The following GALNTL6 variants were observed in gnomAD, a reference collection of about 807,000 sequenced individuals.
GALNTL6 encodes polypeptide N-acetylgalactosaminyltransferase-like 6.
A neutral mutation model predicts 73.7 loss-of-function variants in GALNTL6; 46 were observed. The ratio of observed to expected loss-of-function variants is 0.62; its 90% CI spans 0.49 to 0.80. The LOEUF (loss-of-function observed/expected upper bound fraction) is 0.80, where lower values mean the gene tolerates loss of function less well. GALNTL6 is among the 30% of genes least tolerant of loss of function. The pLI, the probability that GALNTL6 is intolerant of heterozygous loss-of-function variation, is 0.00. For synonymous variants in GALNTL6, 259 were observed against 263.7 expected (o/e 0.98, Z 0.17); for missense variants, 604 against 755.0 (o/e 0.80, Z 2.34).
chr4:173,010,298 A>G (rs367803712), intron 11 of GALNTL6, among the ~76,000 whole-genome samples: 1 of 152,222 alleles, frequency 6.6e-6, no homozygotes. Context: ...TTCACTTAAC[A>G]TAATGACCTC....
intron 5 of GALNTL6, among the ~76,000 whole-genome samples, chr4:172,543,396 G>A (rs548842203): frequency 5.1e-4 from 78 of 152,290 alleles, no homozygotes; most frequent in African/African-American, 1.8e-3. Context: ...ATAGAAGGTG[G>A]TTTTGGTGCC....
intron 8 of GALNTL6, among the ~76,000 whole-genome samples, chr4:172,901,423 G>A (rs1385701361): frequency 3.3e-5 from 5 of 152,086 alleles, no homozygotes; most frequent in African/African-American, 7.2e-5. Context: ...CATCAATTGT[G>A]ATTAATTTTT....
Position 171,902,030 on chromosome 4 carries a change from T to G in GALNTL6, c.138+87312T>G, listed in dbSNP as rs943091420. 2.4e-4 allele frequency among the ~76,000 whole-genome samples: 37 copies of G among 152,266 alleles called. 1 individual carries two copies. The highest frequency in any genetic ancestry group is 7.2e-4 in the African/African-American group (30 of 41,576). ...TAAGATTGTATTGCTATATAACATTTAGAGAGATAAGTGGGAATGTTGCTA... is the reference window on the plus strand; with the variant it reads ...TAAGATTGTATTGCTATATAACATTGAGAGAGATAAGTGGGAATGTTGCTA... On this transcript the variant is annotated intron_variant, in intron 2 of 12. Coordinates refer to ENST00000506823, the MANE Select transcript of GALNTL6 (RefSeq NM_001034845.3).
At chr4:172,680,150 A>G (rs942190630) in intron 5 of GALNTL6, among the ~76,000 whole-genome samples, 3 of 152,212 alleles carry the variant, frequency 2.0e-5, no homozygotes, top group African/African-American at 7.2e-5. Context: ...TTTTTGAGCC[A>G]GAATCAGGAC....
intron 5 of GALNTL6, among the ~76,000 whole-genome samples, chr4:172,465,003 ACAT>A (rs1732755408): frequency 6.6e-6 from 1 of 152,124 alleles, no homozygotes; most frequent in Admixed American, 6.5e-5. Context: ...TTTAAGTGAA[ACAT>A]CGTAATGAAA....
chr4:172,303,529 C>G (rs1184960080), intron 3 of GALNTL6, among the ~76,000 whole-genome samples: 1 of 152,102 alleles, frequency 6.6e-6, no homozygotes, highest in Non-Finnish European at 1.5e-5. Context: ...TGTTTTCTGC[C>G]TGCCTACCTG....
chr4:172,749,092 G>GTT (rs34281651), intron 5 of GALNTL6, among the ~76,000 whole-genome samples: 3 of 147,192 alleles, frequency 2.0e-5, no homozygotes, highest in African/African-American at 7.4e-5. Context: ...GTTGTTGTTT[G>GTT]TTTTTTTTTT....
chr4:172,915,501 C>A (rs1747454277), intron 8 of GALNTL6, among the ~76,000 whole-genome samples: 1 of 151,972 alleles, frequency 6.6e-6, no homozygotes, highest in African/African-American at 2.4e-5. Context: ...AGATGGCTAG[C>A]AAGACTAATA....
chr4:172,267,740 G>A (rs1738497813), intron 3 of GALNTL6, among the ~76,000 whole-genome samples: 1 of 151,984 alleles, frequency 6.6e-6, no homozygotes, highest in African/African-American at 2.4e-5. Context: ...TCTCCCCTTT[G>A]TTCAAAAAGA....
At chr4:172,590,071 A>G (rs1438242790) in intron 5 of GALNTL6, among the ~76,000 whole-genome samples, 1 of 152,290 alleles carries the variant, frequency 6.6e-6, no homozygotes. Context: ...TACAAAACAG[A>G]TATTTTATTC....
chr4:171,968,087 A>G (rs1048391179), intron 2 of GALNTL6, among the ~76,000 whole-genome samples: 1 of 152,064 alleles, frequency 6.6e-6, no homozygotes, highest in Non-Finnish European at 1.5e-5. Flanking sequence ...TTACTATAGC[A>G]GTCTTCTTCT....
At chr4:172,374,067 A>G (rs1742932112) in intron 5 of GALNTL6, among the ~76,000 whole-genome samples, 2 of 150,812 alleles carry the variant, frequency 1.3e-5, no homozygotes, top group South Asian at 4.2e-4. Context: ...CGTTCTCTGG[A>G]GCAGTGCACC....
intron 5 of GALNTL6, among the ~76,000 whole-genome samples, chr4:172,415,951 C>G (rs1290091484): frequency 6.6e-6 from 1 of 152,158 alleles, no homozygotes; most frequent in Non-Finnish European, 1.5e-5. Flanking sequence ...TAGCACCAGG[C>G]TGTCTGACTA....
intron 2 of GALNTL6, among the ~76,000 whole-genome samples, chr4:172,114,444 C>G (rs911855004): frequency 6.6e-6 from 1 of 151,928 alleles, no homozygotes; most frequent in Non-Finnish European, 1.5e-5. Context: ...TTATCTGAAC[C>G]ATGCCAGCAG....
intron 5 of GALNTL6, among the ~76,000 whole-genome samples, chr4:172,443,313 G>A (rs1731907843): frequency 6.6e-6 from 1 of 150,682 alleles, no homozygotes; most frequent in South Asian, 2.1e-4. Flanking sequence ...TTACAGGTAT[G>A]CCCCACTATG....
At chr4:172,138,945 A>G (rs751009132) in intron 2 of GALNTL6, among the ~76,000 whole-genome samples, 2 of 152,174 alleles carry the variant, frequency 1.3e-5, no homozygotes, top group Non-Finnish European at 2.9e-5. Flanking sequence ...TGAAATTCTC[A>G]GAACCAATAT....
chr4:171,902,866 T>G (rs887217950), intron 2 of GALNTL6, among the ~76,000 whole-genome samples: 1 of 152,196 alleles, frequency 6.6e-6, no homozygotes, highest in African/African-American at 2.4e-5. Context: ...AGTTTTGAAA[T>G]AATTGCTTCT....
intron 3 of GALNTL6, among the ~76,000 whole-genome samples, chr4:172,293,995 T>A (rs1018313130): frequency 5.3e-5 from 8 of 151,688 alleles, no homozygotes; most frequent in Non-Finnish European, 7.4e-5. Flanking sequence ...GTCATTTTTT[T>A]TTCTTGAACT....
chr4:172,724,978 A>G (rs770500466), intron 5 of GALNTL6, among the ~76,000 whole-genome samples: 1 of 151,824 alleles, frequency 6.6e-6, no homozygotes, highest in African/African-American at 2.4e-5. Flanking sequence ...ATTTCACACA[A>G]TTTTTCACAT....
Sources: gnomAD v4.1 joint callset for allele counts (sites outside exome capture counted in the v4.1 genomes callset) on GRCh38, gnomAD v4.1.1 for gene constraint, MANE v1.5 for transcripts, NCBI Gene and HGNC (gene_info 2026-07-23, HGNC 2026-07-21) for gene names.